The following PTPN4 variants were observed in gnomAD, a reference collection of about 807,000 sequenced individuals.
PTPN4 encodes protein tyrosine phosphatase non-receptor type 4, also known as tyrosine-protein phosphatase non-receptor type 4.
PTPN4 carries 49 observed loss-of-function variants against 135.5 expected under a neutral mutation model. The observed-to-expected ratio is 0.36, with a 90% CI of 0.29 to 0.46. The LOEUF (loss-of-function observed/expected upper bound fraction) is 0.46, where lower values mean the gene tolerates loss of function less well. Ranked by LOEUF, PTPN4 falls within the 20% of genes least tolerant of loss-of-function variation. The pLI is 1.00. For missense variants in PTPN4, 860 were observed against 1,101.0 expected, an observed-to-expected ratio of 0.78 and a Z score of 3.10; for synonymous variants, 333 against 369.9, an observed-to-expected ratio of 0.90 and a Z score of 1.14.
In PTPN4 at chr2:119,823,629, A is replaced by G. The variant is rs1250031524; in HGVS notation, c.138+13638A>G. Among the ~76,000 whole-genome samples, 11 of 152,240 alleles carry G rather than the reference A, an allele frequency of 7.2e-5. No homozygotes were observed. The East Asian group carries it at 1.7e-3, about 24-fold the overall frequency. On this transcript the variant is annotated intron_variant, in intron 2 of 26. Coordinates refer to ENST00000263708, the MANE Select transcript of PTPN4 (RefSeq NM_002830.4). ...TTTCGTGGTTGCTGAAGATTGTGGT[A>G]TCTGTTATCTCTAGTTTGGATATCT...
At chr2:119,882,045 T>C (rs1678088226) in intron 6 of PTPN4, 52 bp from the exon 7 acceptor site, 3 of 1,463,230 alleles carry the variant, frequency 2.1e-6, no homozygotes, top group East Asian at 2.3e-5. Flanking sequence ...ATAGCACTTT[T>C]GAAATTGCTA....
chr2:119,922,412 T>C (rs146321627), intron 12 of PTPN4, among the ~76,000 whole-genome samples: 1,576 of 152,280 alleles, frequency 0.01, 16 homozygotes, highest in Middle Eastern at 0.027. Flanking sequence ...AACAGCTTTA[T>C]TGAAGTATAA....
chr2:119,873,944 C>G (rs1677949917), intron 3 of PTPN4, among the ~76,000 whole-genome samples: 2 of 152,082 alleles, frequency 1.3e-5, no homozygotes, highest in Admixed American at 6.5e-5. Context: ...TAAGCAGTTC[C>G]ACTCCCAGAT....
At chr2:119,845,666 T>C (rs1481503374) in intron 2 of PTPN4, among the ~76,000 whole-genome samples, 1 of 152,184 alleles carries the variant, frequency 6.6e-6, no homozygotes, top group Non-Finnish European at 1.5e-5. Context: ...CTCAAAAAAC[T>C]AACTTTCGGT....
intron 8 of PTPN4, among the ~76,000 whole-genome samples, chr2:119,883,007 CTA>C (rs1337085849): frequency 6.6e-6 from 1 of 152,080 alleles, no homozygotes; most frequent in Non-Finnish European, 1.5e-5. Context: ...AACAGGAACT[CTA>C]TATAATACTG....
chr2:119,972,724 G>A (rs1459233285), intron 26 of PTPN4, among the ~76,000 whole-genome samples: 3 of 152,088 alleles, frequency 2.0e-5, no homozygotes, highest in Non-Finnish European at 4.4e-5. Flanking sequence ...AGTAGAAGAA[G>A]ATCCCTTTGT....
intron 15 of PTPN4, among the ~76,000 whole-genome samples, chr2:119,943,855 G>A (rs1157519846): frequency 6.6e-6 from 1 of 151,836 alleles, no homozygotes; most frequent in Admixed American, 6.6e-5. Context: ...GCCTCCCAAA[G>A]TGCTGGGATT....
chr2:119,780,455 CAA>C (rs1053311064), intron 1 of PTPN4, among the ~76,000 whole-genome samples: 2 of 152,210 alleles, frequency 1.3e-5, no homozygotes, highest in African/African-American at 4.8e-5. Context: ...ATGATTGGAT[CAA>C]GAGCTACACA....
At chr2:119,839,709 A>G (rs1032590962) in intron 2 of PTPN4, among the ~76,000 whole-genome samples, 1 of 152,244 alleles carries the variant, frequency 6.6e-6, no homozygotes, top group African/African-American at 2.4e-5. Context: ...TTCAGTGCTT[A>G]GGTAAATATC....
chr2:119,853,482 A>G (rs1677627428), intron 2 of PTPN4, among the ~76,000 whole-genome samples: 1 of 151,998 alleles, frequency 6.6e-6, no homozygotes, highest in Non-Finnish European at 1.5e-5. Flanking sequence ...TGCTATTATA[A>G]TGTACATTAA....
intron 10 of PTPN4, among the ~76,000 whole-genome samples, chr2:119,907,459 C>T (rs1158419967): frequency 1.3e-5 from 2 of 152,058 alleles, no homozygotes; most frequent in African/African-American, 4.8e-5. Context: ...TAAAAATTAG[C>T]TGGGCATAAT....
intron 23 of PTPN4, 111 bp from the exon 24 acceptor site, chr2:119,962,505 T>C: frequency 1.6e-6 from 1 of 635,550 alleles, no homozygotes; most frequent in East Asian, 4.4e-5. Context: ...ATTAAATTTT[T>C]CTTGTAACTT....
intron 1 of PTPN4, among the ~76,000 whole-genome samples, chr2:119,803,989 GA>G (rs1215333180): frequency 6.6e-6 from 1 of 152,036 alleles, no homozygotes; most frequent in African/African-American, 2.4e-5. Flanking sequence ...ATGTTTCCAT[GA>G]TACATCTCTT....
chr2:119,878,474 C>T (rs574479839), intron 5 of PTPN4, among the ~76,000 whole-genome samples: 71 of 152,126 alleles, frequency 4.7e-4, no homozygotes, highest in African/African-American at 1.7e-3. Flanking sequence ...CTAAAATTAC[C>T]TATAGATGGG....
At chr2:119,934,731 T>C in intron 14 of PTPN4, 69 bp from the exon 15 acceptor site, 2 of 1,476,706 alleles carry the variant, frequency 1.4e-6, no homozygotes, top group Middle Eastern at 1.8e-4. Context: ...GATGTAACCA[T>C]ATATTAAGAA....
At chr2:119,903,720 G>A (rs566010304) in intron 10 of PTPN4, among the ~76,000 whole-genome samples, 2 of 152,146 alleles carry the variant, frequency 1.3e-5, no homozygotes, top group Admixed American at 6.5e-5. Flanking sequence ...GGACCCCAAG[G>A]GATAGCCCAC....
intron 1 of PTPN4, among the ~76,000 whole-genome samples, chr2:119,784,405 G>C (rs1195851785): frequency 1.5e-4 from 4 of 27,380 alleles, no homozygotes; most frequent in African/African-American, 4.2e-4. Context: ...TTTTTTTTTT[G>C]AGACAGAGTC....
In PTPN4 at chr2:119,957,006, AT is replaced by A; in HGVS notation, c.2072-3del. On this transcript the variant is annotated splice_polypyrimidine_tract_variant and intron_variant, in intron 21 of 26. Transcript: ENST00000263708. Reference sequence around the variant, plus strand: ...TTTACTAAAACATTATTTCTTTTAAATTTTTTTAGATGATGCCACACGGGTC... The same window carrying A: ...TTTACTAAAACATTATTTCTTTTAAATTTTTTAGATGATGCCACACGGGTC... The A allele has an allele frequency of 2.5e-6, 4 of 1,608,266 alleles. No individual in the cohort carries two copies. The highest frequency in any genetic ancestry group is 1.7e-4 in the Middle Eastern group (1 of 5,848).
At chr2:119,811,377 T>G (rs191710317) in intron 2 of PTPN4, among the ~76,000 whole-genome samples, 3 of 152,346 alleles carry the variant, frequency 2.0e-5, no homozygotes, top group African/African-American at 7.2e-5. Flanking sequence ...TACATCATTA[T>G]CATTAAAAAT....
Sources: gnomAD v4.1 joint callset for allele counts (sites outside exome capture counted in the v4.1 genomes callset) on GRCh38, gnomAD v4.1.1 for gene constraint, MANE v1.5 for transcripts, NCBI Gene and HGNC (gene_info 2026-07-23, HGNC 2026-07-21) for gene names.